Variants in USH2A observed in about 807,000 individuals in gnomAD.
USH2A encodes the protein Usher syndrome 2A (autosomal recessive, mild).
USH2A carries 443 observed loss-of-function variants against 538.9 expected under a neutral mutation model. That is an observed-to-expected ratio of 0.82 (90% CI 0.76 to 0.89). The LOEUF is 0.89. Ranked by LOEUF, USH2A falls within the 40% of genes least tolerant of loss-of-function variation. The pLI is 0.00. For missense variants in USH2A, 6,633 were observed against 6,324.8 expected, an observed-to-expected ratio of 1.05 and a Z score of -1.65; for synonymous variants, 2,413 against 2,273.5, an observed-to-expected ratio of 1.06 and a Z score of -1.75.
At chr1:216,116,478 A>G (rs1156479294) in intron 21 of USH2A, among the ~76,000 whole-genome samples, 1 of 152,084 alleles carries the variant, frequency 6.6e-6, no homozygotes, top group East Asian at 1.9e-4. Flanking sequence ...GTGTTCAATG[A>G]CCCAAAAGGA....
At chr1:216,149,535 C>T (rs1038270518) in intron 21 of USH2A, among the ~76,000 whole-genome samples, 3 of 152,170 alleles carry the variant, frequency 2.0e-5, no homozygotes, top group South Asian at 2.1e-4. Flanking sequence ...ACCTCTTGCT[C>T]TTCTCAGAGT....
At chr1:215,658,246 T>A (rs1657328049) in intron 64 of USH2A, among the ~76,000 whole-genome samples, 1 of 151,736 alleles carries the variant, frequency 6.6e-6, no homozygotes, top group African/African-American at 2.4e-5. Context: ...TTTGGAGTTA[T>A]CACATACTTT....
At chr1:216,054,521 T>C (rs956429566) in intron 30 of USH2A, among the ~76,000 whole-genome samples, 3 of 152,096 alleles carry the variant, frequency 2.0e-5, no homozygotes, top group African/African-American at 7.2e-5. Context: ...TCTGACTAAA[T>C]GCAGACAAGT....
At chr1:216,026,445 G>A (rs1668966800) in intron 32 of USH2A, among the ~76,000 whole-genome samples, 1 of 152,068 alleles carries the variant, frequency 6.6e-6, no homozygotes, top group African/African-American at 2.4e-5. Flanking sequence ...AGAGAAATAG[G>A]AAATAAACAT....
At position 215,787,000 on chromosome 1, in the gene USH2A, C is replaced by A. The variant is rs548645534; in HGVS notation, c.10183-126G>T. 9.8e-4 allele frequency: 845 copies of A among 866,660 alleles called. 1 individual carries two copies. Among genetic ancestry groups the A allele is most frequent in the Admixed American group, 1.8e-3 (74 of 41,706 alleles). 53.7% of individuals were successfully genotyped at this position (866,660 alleles called of 1,614,324 possible). Reference sequence around the variant, plus strand: ...CCACTTACTTGATGAATGAATATTTCAAAATTTATAAAAAGAAATGAAGGC... The same window carrying A: ...CCACTTACTTGATGAATGAATATTTAAAAATTTATAAAAAGAAATGAAGGC... On this transcript the variant is annotated intron_variant, in intron 51 of 71. Transcript: ENST00000307340.
rs574056614 is a variant in USH2A, at chr1:216,180,372, TA to T, written c.4397-4891del. Reference sequence around the variant, plus strand: ...TTAAAATAGCACTTGTATTTTTTAATAGGGGTAATCTAATTTCTTGTCTATC... The same window carrying T: ...TTAAAATAGCACTTGTATTTTTTAATGGGGTAATCTAATTTCTTGTCTATC... On this transcript the variant is annotated intron_variant, in intron 20 of 71. Coordinates refer to ENST00000307340, the MANE Select transcript of USH2A (RefSeq NM_206933.4). Among the ~76,000 whole-genome samples the T allele has an allele frequency of 1.8e-4, 28 of 152,220 alleles. No individual in the cohort carries two copies. In the South Asian group the frequency reaches 5.4e-3, roughly 29 times the overall value.
At chr1:215,694,338 C>T (rs1047203003) in intron 61 of USH2A, among the ~76,000 whole-genome samples, 3 of 152,128 alleles carry the variant, frequency 2.0e-5, no homozygotes, top group African/African-American at 7.2e-5. Context: ...CTTTGGGAGG[C>T]CAAGGCGGGT....
intron 47 of USH2A, among the ~76,000 whole-genome samples, chr1:215,822,554 A>T (rs1184727764): frequency 6.6e-6 from 1 of 151,938 alleles, no homozygotes; most frequent in Admixed American, 6.6e-5. Context: ...TTATAAGAGC[A>T]TGTCATCTGT....
chr1:216,130,670 A>G (rs566145377), intron 21 of USH2A, among the ~76,000 whole-genome samples: 79 of 148,624 alleles, frequency 5.3e-4, no homozygotes, highest in African/African-American at 1.9e-3. Context: ...TGCAATATAT[A>G]TCACGTATAT....
intron 22 of USH2A, among the ~76,000 whole-genome samples, chr1:216,094,981 T>C (rs1014179331): frequency 2.2e-5 from 3 of 139,322 alleles, no homozygotes; most frequent in African/African-American, 6.7e-5. Context: ...TGTGTGTGTA[T>C]AGGCATATGT....
At chr1:215,996,155 C>T (rs1668130768) in intron 34 of USH2A, among the ~76,000 whole-genome samples, 1 of 152,196 alleles carries the variant, frequency 6.6e-6, no homozygotes, top group Non-Finnish European at 1.5e-5. Context: ...AACTGGTCTG[C>T]CCACCTGGGC....
At chr1:216,082,270 C>T (rs989111952) in intron 26 of USH2A, among the ~76,000 whole-genome samples, 6 of 152,062 alleles carry the variant, frequency 3.9e-5, no homozygotes, top group Admixed American at 1.3e-4. Flanking sequence ...ATAGACATTA[C>T]GTTTCAGCGA....
chr1:215,764,434 AAG>A (rs894775411), intron 56 of USH2A, among the ~76,000 whole-genome samples: 48 of 152,176 alleles, frequency 3.2e-4, no homozygotes, highest in African/African-American at 1.1e-3. Context: ...TGTAGAAAAA[AAG>A]AGTAATAATT....
chr1:216,182,174 G>T (rs2034507387), intron 20 of USH2A, among the ~76,000 whole-genome samples: 1 of 152,064 alleles, frequency 6.6e-6, no homozygotes, highest in South Asian at 2.1e-4. Context: ...TTTTCCTAAA[G>T]ATGTCACTGT....
In USH2A at chr1:216,089,139, C is replaced by A. The variant is rs566642953; in HGVS notation, c.4759G>T (p.Gly1587Trp). The A allele has an allele frequency of 6.2e-7, 1 of 1,612,074 alleles. No individual in the cohort carries two copies. The highest frequency in any genetic ancestry group is 1.1e-5 in the South Asian group (1 of 91,048). The change falls in exon 23 of 72, where the codon GGG becomes TGG. Residue 1587 changes from glycine to tryptophan, a missense_variant and splice_region_variant. Gly to Trp is a radical substitution (Grantham distance 184). Transcript: ENST00000307340. ...GRLYFLFDPQ[G>W]SPVEVTTTND... ...GTTGTAGTTACTTCCACTGGTGACC[C>A]CTTAAGGGAATGAATGAATAAATAA...
At chr1:216,256,485 A>G (rs1178167421) in intron 11 of USH2A, among the ~76,000 whole-genome samples, 2 of 151,982 alleles carry the variant, frequency 1.3e-5, no homozygotes, top group Non-Finnish European at 2.9e-5. Flanking sequence ...CTTCAAATAG[A>G]GTATAAGGAT....
rs139772491 is a variant in USH2A, at chr1:215,820,062, C to G, written c.9372-2867G>C. Among the ~76,000 whole-genome samples, 935 of 151,730 alleles carry G rather than the reference C, an allele frequency of 6.2e-3. 7 individuals carry two copies. The highest frequency in any genetic ancestry group is 0.021 in the African/African-American group (887 of 41,474). ...AATGTTAAATATTGGAGAAAAAGAG[C>G]TGAAGATACTTTTGGGCACTCATGC... is the stretch of plus-strand genomic sequence containing the variant. On this transcript the variant is annotated intron_variant, in intron 47 of 71. Transcript: ENST00000307340.
In USH2A at chr1:215,878,965, A is replaced by G. The variant is rs111033262; in HGVS notation, c.8357T>C (p.Phe2786Ser). The G allele has an allele frequency of 4.2e-4, 671 of 1,614,068 alleles. 5 individuals are homozygous for G. Among genetic ancestry groups the G allele is most frequent in the South Asian group, 3.9e-3 (358 of 91,066 alleles). The change falls in exon 42 of 72, where the codon TTC becomes TCC. Residue 2786 changes from phenylalanine to serine, a missense_variant. Physicochemically the swap from Phe to Ser is radical, Grantham distance 155. Transcript: ENST00000307340. ...AACAATGGTGACAGAATAATTAGTG[A>G]AAGGAATCAGATGAGTAACTTTTTG... The part of the protein sequence containing the change: ...LSQKVTHLIP[F>S]TNYSVTIVAC...
chr1:215,803,042 T>C (rs1224611119), intron 49 of USH2A, among the ~76,000 whole-genome samples: 1 of 152,210 alleles, frequency 6.6e-6, no homozygotes, highest in African/African-American at 2.4e-5. Context: ...CACATGATTA[T>C]GTCAATAGAT....
Sources: gnomAD v4.1 joint callset for allele counts (sites outside exome capture counted in the v4.1 genomes callset) on GRCh38, gnomAD v4.1.1 for gene constraint, MANE v1.5 for transcripts, NCBI Gene and HGNC (gene_info 2026-07-23, HGNC 2026-07-21) for gene names.